Variants in VWA3B observed in about 807,000 individuals in gnomAD.
The protein encoded by VWA3B is von Willebrand factor A domain-containing protein 3B.
A neutral mutation model predicts 158.3 loss-of-function variants in VWA3B; 138 were observed. That is an observed-to-expected ratio of 0.87 (90% confidence interval 0.76 to 1.00). VWA3B has a LOEUF of 1.00. Among genes scored for constraint, VWA3B ranks in the 50% least tolerant of loss-of-function variants. VWA3B has a pLI of 0.00. For synonymous variants in VWA3B, 596 were observed against 587.3 expected, an observed-to-expected ratio of 1.01 and a Z score of -0.21; for missense variants, 1,555 against 1,565.1, an observed-to-expected ratio of 0.99 and a Z score of 0.11.
At chr2:98,097,189 G>A (rs1682775123) in intron 2 of VWA3B, among the ~76,000 whole-genome samples, 1 of 152,090 alleles carries the variant, frequency 6.6e-6, no homozygotes, top group Non-Finnish European at 1.5e-5. Context: ...TGAGATTTCA[G>A]TGCACCTGTA....
intron 3 of VWA3B, among the ~76,000 whole-genome samples, chr2:98,118,297 C>T (rs1172017455): frequency 2.0e-5 from 3 of 152,048 alleles, no homozygotes; most frequent in Non-Finnish European, 4.4e-5. Context: ...TGAGAAGCCT[C>T]CAAGAAGTGA....
intron 25 of VWA3B, among the ~76,000 whole-genome samples, chr2:98,302,551 G>C (rs951959582): frequency 1.1e-4 from 17 of 152,182 alleles, no homozygotes; most frequent in African/African-American, 3.4e-4. Flanking sequence ...TCTTTCTTAG[G>C]ACCTTACTGT....
intron 17 of VWA3B, 71 bp downstream of exon 17, chr2:98,234,838 C>T (rs185555096): frequency 3.8e-6 from 6 of 1,590,842 alleles, no homozygotes; most frequent in South Asian, 2.3e-5. Context: ...GAAAGAGCTG[C>T]GTGTAGATAT....
chr2:98,235,690 T>G (rs916934322), intron 17 of VWA3B, among the ~76,000 whole-genome samples: 1 of 152,170 alleles, frequency 6.6e-6, no homozygotes, highest in Non-Finnish European at 1.5e-5. Context: ...CCTCCCAAAG[T>G]GCTGGGATTT....
In VWA3B at chr2:98,192,991, G is replaced by A. The variant is rs1574041611; in HGVS notation, c.1560G>A (p.Lys520=). 2 of 1,614,122 alleles carry A rather than the reference G, an allele frequency of 1.2e-6. No homozygotes were observed. Among genetic ancestry groups the A allele is most frequent in the South Asian group, 2.2e-5 (2 of 91,068 alleles). Residue 520 remains lysine, a synonymous_variant, in exon 11 of 28, where the codon AAG becomes AAA. Transcript: ENST00000477737. ...TCATTGACACGTCTCACTCAATGAA[G>A]AGCAAACTGGACTTGGTGAAGGACA... The part of the protein sequence containing the change: ...YILIDTSHSM[K]SKLDLVKDKI...
At chr2:98,250,175 CTG>C in intron 19 of VWA3B, 141 bp from the exon 20 acceptor site, 1 of 576,864 alleles carries the variant, frequency 1.7e-6, no homozygotes, top group Non-Finnish European at 3.0e-6. Context: ...CTGTGATTTA[CTG>C]TGTTTTCTAA....
At chr2:98,108,720 C>A (rs1026833710) in intron 2 of VWA3B, among the ~76,000 whole-genome samples, 4 of 151,658 alleles carry the variant, frequency 2.6e-5, no homozygotes, top group African/African-American at 7.3e-5. Context: ...TTACTTTTAA[C>A]TTATATATAT....
intron 8 of VWA3B, among the ~76,000 whole-genome samples, chr2:98,172,612 C>T (rs2105305644): frequency 6.6e-6 from 1 of 152,312 alleles, no homozygotes; most frequent in Non-Finnish European, 1.5e-5. Flanking sequence ...TTTCCTTCCC[C>T]ACTTCCATAT....
At chr2:98,194,317 A>G (rs1394807819) in intron 11 of VWA3B, 44 bp from the exon 12 acceptor site, 1 of 1,595,054 alleles carries the variant, frequency 6.3e-7, no homozygotes, top group East Asian at 2.3e-5. Flanking sequence ...ACCCTTTCTA[A>G]CATCTGAGTG....
intron 7 of VWA3B, among the ~76,000 whole-genome samples, chr2:98,151,394 C>T (rs190252297): frequency 3.7e-4 from 57 of 152,284 alleles, no homozygotes; most frequent in African/African-American, 1.1e-3. Flanking sequence ...TGTGAGCCAC[C>T]GCTTCCAGCA....
At chr2:98,234,887 C>G in intron 17 of VWA3B, 120 bp downstream of exon 17, 1 of 1,422,654 alleles carries the variant, frequency 7.0e-7, no homozygotes, top group South Asian at 1.4e-5. Flanking sequence ...CAGATTGCTT[C>G]CTATTCAAAG....
At chr2:98,209,863 C>T (rs527472648) in intron 12 of VWA3B, among the ~76,000 whole-genome samples, 6 of 152,262 alleles carry the variant, frequency 3.9e-5, no homozygotes, top group South Asian at 2.1e-4. Context: ...GTTTATTCGG[C>T]GCAGTCGCTG....
At position 98,300,124 on chromosome 2, in the gene VWA3B, G is replaced by A. The variant is rs766118464; in HGVS notation, c.3328G>A (p.Asp1110Asn). The A allele has an allele frequency of 3.7e-6, 6 of 1,614,104 alleles. No homozygotes were observed. The East Asian group carries it at 1.1e-4, about 30-fold the overall frequency. ...FAKIVIPKGF[D>N]FYVPAIVIAL... ...CAAAATTGTGATACCCAAAGGATTT[G>A]ACTTCTATGTCCCTGCCATTGTCAT... The change falls in exon 25 of 28, where the codon GAC (aspartate) becomes AAC (asparagine). Residue 1110 changes from aspartate to asparagine, a missense_variant. Physicochemically the swap from Asp to Asn is conservative, Grantham distance 23 (BLOSUM62 1). Transcript: ENST00000477737.
intron 22 of VWA3B, among the ~76,000 whole-genome samples, chr2:98,277,509 G>T (rs1236922416): frequency 1.3e-5 from 2 of 152,184 alleles, no homozygotes; most frequent in Non-Finnish European, 2.9e-5. Context: ...CCATAACCTT[G>T]ACTGCTTTGG....
chr2:98,148,830 C>T (rs1174178061), intron 7 of VWA3B, among the ~76,000 whole-genome samples: 2 of 152,188 alleles, frequency 1.3e-5, no homozygotes, highest in African/African-American at 2.4e-5. Flanking sequence ...GGCTCTTTCT[C>T]TTTCTAGTCT....
chr2:98,264,806 A>G (rs958839510), intron 21 of VWA3B, among the ~76,000 whole-genome samples: 2 of 152,074 alleles, frequency 1.3e-5, no homozygotes, highest in South Asian at 2.1e-4. Context: ...AAAGCAGAGC[A>G]TGAAGTCTCC....
downstream of VWA3B, among the ~76,000 whole-genome samples, chr2:98,316,510 G>A (rs1691089038): frequency 6.6e-6 from 1 of 152,050 alleles, no homozygotes. Flanking sequence ...TGGGTGTGGT[G>A]ACACACGCCT....
intron 8 of VWA3B, among the ~76,000 whole-genome samples, chr2:98,170,979 G>T (rs1679536576): frequency 6.6e-6 from 1 of 152,190 alleles, no homozygotes; most frequent in Admixed American, 6.5e-5. Flanking sequence ...CTGTGCTTCA[G>T]TTTCCGTATT....
the VWA3B span, among the ~76,000 whole-genome samples, chr2:98,320,791 C>T: frequency 6.6e-6 from 1 of 152,174 alleles, no homozygotes; most frequent in Non-Finnish European, 1.5e-5. Context: ...GGAAAATTTG[C>T]AGCCCAATGA....
Sources: allele counts gnomAD v4.1 joint callset (sites outside exome capture counted in the v4.1 genomes callset), GRCh38; gene constraint gnomAD v4.1.1; transcripts MANE v1.5; gene names NCBI Gene and HGNC (gene_info 2026-07-23, HGNC 2026-07-21).